Variants in SLC35F4 observed in about 807,000 individuals in gnomAD.
SLC35F4 encodes the protein solute carrier family 35 member F4, also known as chromosome 14 open reading frame 36.
Under a neutral mutation model 44.2 loss-of-function variants are expected in SLC35F4, and 24 were observed. The observed-to-expected ratio is 0.54, with a 90% CI of 0.39 to 0.76. SLC35F4 has a LOEUF of 0.76. Among genes scored for constraint, SLC35F4 ranks in the 30% least tolerant of loss-of-function variants. The probability of loss-of-function intolerance (pLI) is 0.00; values close to 1 mark genes in which losing one functional copy is unlikely to be tolerated. For missense variants in SLC35F4, 562 were observed against 586.1 expected, an observed-to-expected ratio of 0.96 and a Z score of 0.42; for synonymous variants, 238 against 223.6, an observed-to-expected ratio of 1.06 and a Z score of -0.57.
At chr14:57,611,321 G>T (rs2071482810) in intron 1 of SLC35F4, among the ~76,000 whole-genome samples, 2 of 152,178 alleles carry the variant, frequency 1.3e-5, no homozygotes, top group Non-Finnish European at 1.5e-5. Context: ...TCTAACAAGG[G>T]TATGGGTGAA....
chr14:57,826,223 A>G (rs1883746568), intron 1 of SLC35F4, among the ~76,000 whole-genome samples: 1 of 152,172 alleles, frequency 6.6e-6, no homozygotes, highest in African/African-American at 2.4e-5. Flanking sequence ...ACCTACAACC[A>G]TCTGATCTAC....
intron 1 of SLC35F4, among the ~76,000 whole-genome samples, chr14:57,748,307 G>A (rs2076806088): frequency 6.6e-6 from 1 of 152,096 alleles, no homozygotes; most frequent in Admixed American, 6.6e-5. Flanking sequence ...GTATGTATGT[G>A]TGTATTTAGT....
chr14:57,581,429 A>T lies in SLC35F4; in HGVS notation c.592T>A (p.Cys198Ser). ...CCATCTTCACCAAAAATCCGACTGC[A>T]TTCCCTAGGAAAGAAAAGAGAAGTT... ...KQSPMKKFRE[C>S]SRIFGEDGLT... Residue 198 changes from cysteine (C) to serine (S), a missense_variant, in exon 4 of 8, where the codon TGC becomes AGC. Physicochemically the swap from Cys to Ser is moderately radical, Grantham distance 112. Coordinates refer to ENST00000556826, the MANE Select transcript of SLC35F4 (RefSeq NM_001306087.2). 6.2e-7 allele frequency: 1 copy of T among 1,607,420 alleles called. No individual in the cohort carries two copies. Among genetic ancestry groups the T allele is most frequent in the Non-Finnish European group, 8.5e-7 (1 of 1,176,652 alleles).
At chr14:57,765,887 C>T (rs1217413697) in intron 1 of SLC35F4, among the ~76,000 whole-genome samples, 1 of 152,204 alleles carries the variant, frequency 6.6e-6, no homozygotes, top group African/African-American at 2.4e-5. Context: ...CAGCAAAGGC[C>T]TGGTTTCCCA....
chr14:57,610,800 A>G (rs1305939466), intron 1 of SLC35F4, among the ~76,000 whole-genome samples: 1 of 152,206 alleles, frequency 6.6e-6, no homozygotes, highest in Non-Finnish European at 1.5e-5. Context: ...TTTACTGAGT[A>G]TCTCCTATGT....
intron 1 of SLC35F4, among the ~76,000 whole-genome samples, chr14:57,622,640 A>T (rs1040451898): frequency 6.6e-6 from 1 of 151,938 alleles, no homozygotes; most frequent in Non-Finnish European, 1.5e-5. Context: ...GGACACAGGA[A>T]GGGGAACATC....
chr14:57,762,229 T>C (rs1460475427), intron 1 of SLC35F4, among the ~76,000 whole-genome samples: 1 of 152,134 alleles, frequency 6.6e-6, no homozygotes, highest in Non-Finnish European at 1.5e-5. Context: ...CAGTGATAGA[T>C]TCCCTGACTA....
intron 1 of SLC35F4, among the ~76,000 whole-genome samples, chr14:57,787,217 A>T (rs1566853640): frequency 6.6e-6 from 1 of 152,170 alleles, no homozygotes. Context: ...AGACAAAGAA[A>T]AAAGAAAAAG....
At chr14:57,900,338 C>T (rs537163075) in intron 1 of SLC35F4, among the ~76,000 whole-genome samples, 2 of 152,290 alleles carry the variant, frequency 1.3e-5, no homozygotes, top group East Asian at 1.9e-4. Context: ...CTGTCACAGG[C>T]CCACCCCTGA....
chr14:57,708,233 C>G (rs2075726661), intron 1 of SLC35F4, among the ~76,000 whole-genome samples: 1 of 152,202 alleles, frequency 6.6e-6, no homozygotes, highest in South Asian at 2.1e-4. Flanking sequence ...CAACCAGTAA[C>G]AGAAGACAGC....
intron 4 of SLC35F4, among the ~76,000 whole-genome samples, chr14:57,579,962 T>C (rs1436374904): frequency 6.6e-6 from 1 of 152,162 alleles, no homozygotes; most frequent in Non-Finnish European, 1.5e-5. Flanking sequence ...TGTCAGGGTA[T>C]CTGATGGTAG....
chr14:57,669,742 A>G (rs1203642805), intron 1 of SLC35F4, among the ~76,000 whole-genome samples: 1 of 152,038 alleles, frequency 6.6e-6, no homozygotes, highest in Non-Finnish European at 1.5e-5. Context: ...TCAGTATTTT[A>G]TTGAGGATTT....
intron 1 of SLC35F4, among the ~76,000 whole-genome samples, chr14:57,686,373 C>G (rs530787252): frequency 5.9e-5 from 9 of 152,270 alleles, no homozygotes; most frequent in African/African-American, 2.2e-4. Context: ...CTATTTCCAG[C>G]ATGAGCTCAG....
intron 1 of SLC35F4, among the ~76,000 whole-genome samples, chr14:57,670,690 A>C (rs2074485829): frequency 6.6e-6 from 1 of 151,950 alleles, no homozygotes; most frequent in Non-Finnish European, 1.5e-5. Context: ...CTGTGGTCTG[A>C]GAGACAGTTT....
At chr14:57,753,461 G>C (rs28718650) in intron 1 of SLC35F4, among the ~76,000 whole-genome samples, 6,081 of 152,202 alleles carry the variant, frequency 0.04, 164 homozygotes, top group African/African-American at 0.072. Context: ...TGAGGGCTGA[G>C]GAGATGAGTA....
intron 3 of SLC35F4, among the ~76,000 whole-genome samples, chr14:57,581,639 CAG>C (rs2069269199): frequency 6.6e-6 from 1 of 152,256 alleles, no homozygotes; most frequent in Non-Finnish European, 1.5e-5. Context: ...TGCCCAAGCA[CAG>C]AGTTAGGCTC....
At chr14:57,784,247 G>GA (rs1031544155) in intron 1 of SLC35F4, among the ~76,000 whole-genome samples, 16 of 151,886 alleles carry the variant, frequency 1.1e-4, no homozygotes, top group Non-Finnish European at 1.3e-4. Flanking sequence ...AGCAGTGCCA[G>GA]AAAAAAAATG....
chr14:57,728,662 C>CTAG (rs1404508570), intron 1 of SLC35F4, among the ~76,000 whole-genome samples: 7 of 151,916 alleles, frequency 4.6e-5, no homozygotes, highest in Non-Finnish European at 1.0e-4. Context: ...GTTGGCCAGG[C>CTAG]TAGTCTCAGG....
intron 1 of SLC35F4, among the ~76,000 whole-genome samples, chr14:57,678,395 T>A (rs1013744353): frequency 6.6e-6 from 1 of 151,982 alleles, no homozygotes; most frequent in Non-Finnish European, 1.5e-5. Flanking sequence ...AAGGAACAAC[T>A]GTGCAAGCCA....
Sources: gnomAD v4.1 joint callset for allele counts (sites outside exome capture counted in the v4.1 genomes callset) on GRCh38, gnomAD v4.1.1 for gene constraint, MANE v1.5 for transcripts, NCBI Gene and HGNC (gene_info 2026-07-23, HGNC 2026-07-21) for gene names.